Variants in LDB2 observed in about 807,000 individuals in gnomAD.
LDB2 encodes the protein LIM domain binding 2.
A neutral mutation model predicts 44.3 loss-of-function variants in LDB2; 12 were observed. That is an observed-to-expected ratio of 0.27 (90% CI 0.17 to 0.44). The LOEUF is 0.44. Among genes scored for constraint, LDB2 ranks in the 20% least tolerant of loss-of-function variants. The pLI, the probability that LDB2 is intolerant of heterozygous loss-of-function variation, is 1.00. For missense variants in LDB2, 344 were observed against 473.5 expected (o/e 0.73, Z 2.54); for synonymous variants, 164 against 174.8 (o/e 0.94, Z 0.49).
At chr4:16,618,238 A>T (rs1268728534) in intron 2 of LDB2, among the ~76,000 whole-genome samples, 2 of 152,176 alleles carry the variant, frequency 1.3e-5, no homozygotes, top group African/African-American at 4.8e-5. Context: ...CTGGACCGGG[A>T]TAAGCCTAGC....
chr4:16,667,572 A>G (rs148025222), intron 2 of LDB2, among the ~76,000 whole-genome samples: 92 of 152,298 alleles, frequency 6.0e-4, no homozygotes, highest in South Asian at 2.9e-3. Context: ...AAACGCAAAA[A>G]ATTAGGCAGA....
At chr4:16,885,647 T>C (rs1030116848) in intron 1 of LDB2, among the ~76,000 whole-genome samples, 1 of 152,222 alleles carries the variant, frequency 6.6e-6, no homozygotes, top group Non-Finnish European at 1.5e-5. Context: ...TTAACATTAA[T>C]TCAAGCTTCC....
intron 2 of LDB2, among the ~76,000 whole-genome samples, chr4:16,620,358 G>C (rs1440247020): frequency 2.0e-5 from 3 of 152,174 alleles, no homozygotes; most frequent in African/African-American, 7.2e-5. Flanking sequence ...TAAGTTCTGA[G>C]TTGTTAGAAT....
At chr4:16,610,747 C>T (rs1725383511) in intron 2 of LDB2, among the ~76,000 whole-genome samples, 1 of 151,968 alleles carries the variant, frequency 6.6e-6, no homozygotes, top group Non-Finnish European at 1.5e-5. Context: ...GACTGGAGTA[C>T]CAGAATGTGA....
intron 1 of LDB2, among the ~76,000 whole-genome samples, chr4:16,814,484 C>T (rs558997239): frequency 3.3e-5 from 5 of 152,106 alleles, no homozygotes; most frequent in Non-Finnish European, 5.9e-5. Context: ...TCTGCTCGTT[C>T]CCAACTCCCC....
chr4:16,695,402 G>C (rs754094906), intron 2 of LDB2, among the ~76,000 whole-genome samples: 1 of 151,480 alleles, frequency 6.6e-6, no homozygotes, highest in Non-Finnish European at 1.5e-5. Context: ...AGAGGCTGCA[G>C]TGAGCTGAGA....
At chr4:16,882,485 C>T (rs896948231) in intron 1 of LDB2, among the ~76,000 whole-genome samples, 5 of 152,120 alleles carry the variant, frequency 3.3e-5, no homozygotes, top group Admixed American at 1.3e-4. Context: ...CCCCTCCATT[C>T]TCTCCCCACC....
intron 2 of LDB2, among the ~76,000 whole-genome samples, chr4:16,632,147 C>T (rs1732136329): frequency 6.6e-6 from 1 of 152,128 alleles, no homozygotes; most frequent in Admixed American, 6.5e-5. Flanking sequence ...ACATTTTAGG[C>T]CAATATCCCT....
chr4:16,892,599 A>T (rs573611969), intron 1 of LDB2, among the ~76,000 whole-genome samples: 3 of 152,160 alleles, frequency 2.0e-5, no homozygotes, highest in Non-Finnish European at 2.9e-5. Flanking sequence ...ACCAAATCCA[A>T]ATAAGTAAGT....
At chr4:16,566,151 A>C (rs1198361802) in intron 5 of LDB2, among the ~76,000 whole-genome samples, 1 of 152,128 alleles carries the variant, frequency 6.6e-6, no homozygotes, top group Non-Finnish European at 1.5e-5. Context: ...AATAAATACC[A>C]ACTAATTTAT....
chr4:16,742,471 T>C (rs1763503014), intron 2 of LDB2, among the ~76,000 whole-genome samples: 2 of 152,182 alleles, frequency 1.3e-5, no homozygotes, highest in African/African-American at 4.8e-5. Flanking sequence ...TTTTTCAGAC[T>C]TGTCTACCTT....
At chr4:16,806,442 T>C (rs1170851742) in intron 1 of LDB2, among the ~76,000 whole-genome samples, 1 of 152,172 alleles carries the variant, frequency 6.6e-6, no homozygotes, top group East Asian at 1.9e-4. Flanking sequence ...AAGTTACCAA[T>C]AAATGCCCAT....
intron 2 of LDB2, among the ~76,000 whole-genome samples, chr4:16,723,701 C>T (rs987787245): frequency 6.6e-6 from 1 of 152,112 alleles, no homozygotes; most frequent in African/African-American, 2.4e-5. Flanking sequence ...CTTGTCATGC[C>T]AAGCAGACCC....
intron 2 of LDB2, among the ~76,000 whole-genome samples, chr4:16,602,779 A>G (rs1722916550): frequency 6.6e-6 from 1 of 152,048 alleles, no homozygotes; most frequent in Non-Finnish European, 1.5e-5. Flanking sequence ...CTAGAGAAAC[A>G]AGGATGACCA....
intron 1 of LDB2, among the ~76,000 whole-genome samples, chr4:16,839,411 C>T (rs927144912): frequency 2.0e-5 from 3 of 152,304 alleles, no homozygotes; most frequent in Admixed American, 6.5e-5. Flanking sequence ...TGACAATTCA[C>T]AAACTCCCCA....
intron 2 of LDB2, among the ~76,000 whole-genome samples, chr4:16,612,393 G>A (rs766988697): frequency 1.3e-5 from 2 of 151,284 alleles, no homozygotes; most frequent in East Asian, 1.9e-4. Context: ...ACAGAGACAC[G>A]AAAAATCCTC....
intron 5 of LDB2, among the ~76,000 whole-genome samples, chr4:16,515,613 G>T (rs897824878): frequency 3.9e-5 from 6 of 152,124 alleles, no homozygotes; most frequent in African/African-American, 1.4e-4. Flanking sequence ...TATTAAGCAA[G>T]AATGGTAAGA....
chr4:16,525,069 C>CT (rs1391749414), intron 5 of LDB2, among the ~76,000 whole-genome samples: 1 of 152,192 alleles, frequency 6.6e-6, no homozygotes, highest in Non-Finnish European at 1.5e-5. Flanking sequence ...AGGAACATGA[C>CT]TATCTTGTTC....
rs1378019847 is a variant in LDB2, at chr4:16,512,116, T to TCAAAGA, written c.616-18_616-13dup. The TCAAAGA allele has an allele frequency of 6.3e-7, 1 of 1,594,748 alleles. No homozygotes were observed. Among genetic ancestry groups the TCAAAGA allele is most frequent in the East Asian group, 2.3e-5 (1 of 44,380 alleles). On this transcript the variant is annotated splice_polypyrimidine_tract_variant and intron_variant, in intron 5 of 7. Transcript: ENST00000304523. ...AATATTACACACAACTGCAAGAAGTTCAAAGACATTGGCATTTCACTACTT... is the reference window on the plus strand; with the variant it reads ...AATATTACACACAACTGCAAGAAGTTCAAAGACAAAGACATTGGCATTTCACTACTT...
Sources: allele counts gnomAD v4.1 joint callset (sites outside exome capture counted in the v4.1 genomes callset), GRCh38; gene constraint gnomAD v4.1.1; transcripts MANE v1.5; gene names NCBI Gene and HGNC (gene_info 2026-07-23, HGNC 2026-07-21).